Variants in PLK5 observed in about 807,000 individuals in gnomAD.
PLK5 encodes the protein inactive serine/threonine-protein kinase PLK5.
Under a neutral mutation model 33.7 loss-of-function variants are expected in PLK5, and 28 were observed. The ratio of observed to expected loss-of-function variants is 0.83; its 90% CI spans 0.62 to 1.14. The LOEUF (loss-of-function observed/expected upper bound fraction) is 1.14. Ranked by LOEUF, PLK5 falls within the 50% of genes most tolerant of loss-of-function variation. PLK5 has a pLI of 0.00. For synonymous variants in PLK5, 225 were observed against 202.2 expected, an observed-to-expected ratio of 1.11 and a Z score of -0.96; for missense variants, 492 against 461.5, an observed-to-expected ratio of 1.07 and a Z score of -0.61.
Position 1,535,237 on chromosome 19 carries a change from T to C in PLK5, c.998T>C (p.Leu333Pro). The C allele has an allele frequency of 6.5e-7, 1 of 1,535,708 alleles. No individual in the cohort carries two copies. The stretch of plus-strand genomic sequence containing the variant: ...CACCTTCACCACGCCCTCCGCATGC[T>C]GCAGAGTATCTAGTGCCCCTGAGGG... ...GQHLHHALRM[L>P]QSI Residue 333 changes from leucine to proline, a missense_variant, in exon 14 of 14, where the codon CTG (leucine) becomes CCG (proline). Leu to Pro is a moderately conservative substitution (Grantham distance 98). Transcript: ENST00000454744.
intron 12 of PLK5, among the ~76,000 whole-genome samples, chr19:1,532,643 C>T (rs1018857564): frequency 1.3e-5 from 2 of 151,782 alleles, no homozygotes; most frequent in African/African-American, 4.8e-5. Flanking sequence ...CTGCCTCAGC[C>T]TCCTAAGTAG....
intron 9 of PLK5, 53 bp downstream of exon 9, chr19:1,529,027 C>A (rs1913845787): frequency 1.4e-6 from 2 of 1,414,048 alleles, no homozygotes; most frequent in Non-Finnish European, 1.9e-6. Context: ...GGCATGCTGG[C>A]CCCTGCTAAA....
intron 12 of PLK5, 31 bp from the exon 13 acceptor site, chr19:1,533,900 G>A (rs1340779352): frequency 1.5e-5 from 22 of 1,499,290 alleles, no homozygotes; most frequent in African/African-American, 4.2e-5. Context: ...CGCCCCCTGC[G>A]TCACGTGACC....
intron 6 of PLK5, 47 bp downstream of exon 6, chr19:1,527,045 G>A: frequency 8.6e-7 from 1 of 1,156,976 alleles, no homozygotes; most frequent in Non-Finnish European, 1.2e-6. Flanking sequence ...GGGGGGGGCA[G>A]GTGTGGCGGG....
In PLK5 at chr19:1,531,901, G is replaced by A; in HGVS notation, c.714+18G>A. On this transcript the variant is annotated intron_variant, in intron 12 of 13. Transcript: ENST00000454744. ...CCCGGAGGGTAAGTTGTGGCCTCCT[G>A]TGCCCTGGGGGACCAGGCACTCCCC... 3 of 1,443,480 alleles carry A rather than the reference G, an allele frequency of 2.1e-6. No individual in the cohort carries two copies. The highest frequency in any genetic ancestry group is 2.7e-6 in the Non-Finnish European group (3 of 1,104,644). 89.4% of individuals were successfully genotyped at this position (1,443,480 alleles called of 1,614,324 possible). A position where few individuals can be genotyped will look rare whatever the true frequency, so the allele number is the denominator to read the frequency against.
intron 13 of PLK5, 66 bp downstream of exon 13, chr19:1,534,107 G>GT: frequency 8.1e-7 from 1 of 1,241,454 alleles, no homozygotes; most frequent in South Asian, 1.3e-5. Flanking sequence ...TGCCTGGGCT[G>GT]TTACGGAGCA....
Position 1,531,753 on chromosome 19 carries a change from T to G in PLK5, c.584T>G (p.Leu195Arg). 1 of 1,536,522 alleles carries G rather than the reference T, an allele frequency of 6.5e-7. No individual in the cohort carries two copies. Among genetic ancestry groups the G allele is most frequent in the Non-Finnish European group, 8.7e-7 (1 of 1,147,084 alleles). ...DVGPPATQDP[L>R]GEQQPILWAP... ...TTGTGCCCAGCCACACAGGACCCCCTGGGAGAGCAGCAGCCCATCCTCTGG... is the reference window on the plus strand; with the variant it reads ...TTGTGCCCAGCCACACAGGACCCCCGGGGAGAGCAGCAGCCCATCCTCTGG... The change falls in exon 12 of 14, where the codon CTG becomes CGG. Residue 195 changes from leucine to arginine, a missense_variant. Physicochemically the swap from Leu to Arg is moderately radical, Grantham distance 102 (BLOSUM62 -2). Coordinates refer to ENST00000454744, the MANE Select transcript of PLK5 (RefSeq NM_001243079.2).
In PLK5 at chr19:1,528,116, GGAC is replaced by G. The variant is rs1913798684; in HGVS notation, c.187_189del (p.Asp63del). ...GGCCCAGCCTGGACCACCTGCTGCA[GGAC>G]GACTTCTTCACACAGGTGGGCGGCG... On this transcript the variant is annotated inframe_deletion, in exon 7 of 14. Coordinates refer to ENST00000454744, the MANE Select transcript of PLK5 (RefSeq NM_001243079.2). 6.5e-7 allele frequency: 1 copy of G among 1,535,668 alleles called. No homozygotes were observed. The highest frequency in any genetic ancestry group is 1.4e-5 in the African/African-American group (1 of 73,144).
rs193242431 is a variant in PLK5 at position 1,532,322 on chromosome 19, T to C, written c.714+439T>C. On this transcript the variant is annotated intron_variant, in intron 12 of 13. Coordinates refer to ENST00000454744, the MANE Select transcript of PLK5 (RefSeq NM_001243079.2). ...TTGGAGGCTGAGGTGCGGACTCGCT[T>C]GAACCCAGCAGTTTGAGATCAGCCT... is the stretch of plus-strand genomic sequence containing the variant. 1.9e-3 allele frequency among the ~76,000 whole-genome samples: 286 copies of C among 152,182 alleles called. 6 individuals carry two copies. The highest frequency in any genetic ancestry group is 0.016 in the Admixed American group (237 of 15,266).
Position 1,533,905 on chromosome 19 carries a change from G to A in PLK5, c.715-26G>A, listed in dbSNP as rs922103117. ...GGGGTGGGGACGCCCCCTGCGTCAC[G>A]TGACCTCAGCCGAGTCTGTCCACAG... On this transcript the variant is annotated intron_variant, in intron 12 of 13. Transcript: ENST00000454744. 30 of 1,509,600 alleles carry A rather than the reference G, an allele frequency of 2.0e-5. No individual in the cohort carries two copies. In the Admixed American group the frequency reaches 2.9e-4, roughly 15 times the overall value. 93.5% of individuals were successfully genotyped at this position (1,509,600 alleles called of 1,614,324 possible). A position where few individuals can be genotyped will look rare whatever the true frequency, so the allele number is the denominator to read the frequency against.
Position 1,524,762 on chromosome 19 carries a change from G to T in PLK5, c.-544+516G>T, listed in dbSNP as rs1913688774. ...GTGTGTTTGTGTGTTCATATGTGGT[G>T]TGTCTAGGAGTTGTGTGTTCATGTG... On this transcript the variant is annotated intron_variant, in intron 1 of 13. Coordinates refer to ENST00000454744, the MANE Select transcript of PLK5 (RefSeq NM_001243079.2). This position sits in a 1 kb window ranked among gnomAD's most constrained non-coding sequence, Gnocchi z 4.5. Among the ~76,000 whole-genome samples the T allele has an allele frequency of 6.6e-6, 1 of 150,420 alleles. No homozygotes were observed. The highest frequency in any genetic ancestry group is 6.6e-5 in the Admixed American group (1 of 15,190).
intron 12 of PLK5, among the ~76,000 whole-genome samples, chr19:1,533,255 G>C (rs1242313030): frequency 6.6e-6 from 1 of 151,938 alleles, no homozygotes; most frequent in Non-Finnish European, 1.5e-5. Context: ...ACCACGCCTG[G>C]CTAATTTTGA....
In PLK5 at chr19:1,533,952, G is replaced by A. The variant is rs1315563932; in HGVS notation, c.736G>A (p.Val246Met). 4 of 1,534,436 alleles carry A rather than the reference G, an allele frequency of 2.6e-6. No homozygotes were observed. The highest frequency in any genetic ancestry group is 3.9e-5 in the Admixed American group (2 of 50,974). ...ACAGGAGGGGACCCTCCCCACACCT[G>A]TGCCACCTGCTGGACCCGGCCTCTG... ...PRREGTLPTP[V>M]PPAGPGLCLL... is the part of the protein sequence containing the mutation. The change falls in exon 13 of 14, where the codon GTG becomes ATG. Residue 246 changes from valine (V) to methionine (M), a missense_variant. Physicochemically the swap from Val to Met is conservative, Grantham distance 21. Coordinates refer to ENST00000454744, the MANE Select transcript of PLK5 (RefSeq NM_001243079.2).
chr19:1,524,650 T>C lies in PLK5; in HGVS notation c.-544+404T>C, dbSNP rs1036464584. On this transcript the variant is annotated intron_variant, in intron 1 of 13. Transcript: ENST00000454744. This position sits in a 1 kb window ranked among gnomAD's most constrained non-coding sequence, Gnocchi z 4.5. ...GTGTGTGTCTGGGTGTTGTGTTGCT[T>C]GTTCACCTGTTGTTTGTGCGTCATG... 6.7e-6 allele frequency among the ~76,000 whole-genome samples: 1 copy of C among 149,740 alleles called. No homozygotes were observed. Among genetic ancestry groups the C allele is most frequent in the Admixed American group, 6.6e-5 (1 of 15,204 alleles).
chr19:1,533,358 T>C (rs1913988914), intron 12 of PLK5, among the ~76,000 whole-genome samples: 1 of 152,112 alleles, frequency 6.6e-6, no homozygotes, highest in Non-Finnish European at 1.5e-5. Context: ...CCCAAAGTGC[T>C]GGGATTATAG....
In PLK5 at chr19:1,526,806, GA is replaced by G; in HGVS notation, c.-95+16del. ...CGCTGCCACAGGTGAGAGCCGGGGGGAGGGCTCTGAGCAGTCCGTCCGGGTG... is the reference window on the plus strand; with the variant it reads ...CGCTGCCACAGGTGAGAGCCGGGGGGGGGCTCTGAGCAGTCCGTCCGGGTG... On this transcript the variant is annotated intron_variant, in intron 5 of 13. Coordinates refer to ENST00000454744, the MANE Select transcript of PLK5 (RefSeq NM_001243079.2). 1 of 678,782 alleles carries G rather than the reference GA, an allele frequency of 1.5e-6. No homozygotes were observed. Among genetic ancestry groups the G allele is most frequent in the Non-Finnish European group, 2.5e-6 (1 of 396,698 alleles). The allele number at this position is 678,782 out of a possible 1,614,324, so 42.0% of individuals were successfully genotyped here.
Position 1,535,392 on chromosome 19 carries a change from G to A in PLK5, c.*142G>A. 1.1e-6 allele frequency: 1 copy of A among 894,544 alleles called. No individual in the cohort carries two copies. The highest frequency in any genetic ancestry group is 1.6e-6 in the Non-Finnish European group (1 of 619,494). 55.4% of individuals were successfully genotyped at this position (894,544 alleles called of 1,614,324 possible). ...GAGGTGGGTTCTTGCCTTGTGGCAT[G>A]ACTGTTCAACCCAGACTTTGCTGGG... On this transcript the variant is annotated 3_prime_UTR_variant, in exon 14 of 14. Coordinates refer to ENST00000454744, the MANE Select transcript of PLK5 (RefSeq NM_001243079.2).
In PLK5 at chr19:1,535,396, G is replaced by C. The variant is rs1356319310; in HGVS notation, c.*146G>C. On this transcript the variant is annotated 3_prime_UTR_variant, in exon 14 of 14. Transcript: ENST00000454744. ...TGGGTTCTTGCCTTGTGGCATGACT[G>C]TTCAACCCAGACTTTGCTGGGATCT... 3.7e-6 allele frequency: 3 copies of C among 819,756 alleles called. No individual in the cohort carries two copies. Among genetic ancestry groups the C allele is most frequent in the African/African-American group, 3.6e-5 (2 of 55,304 alleles). 50.8% of individuals were successfully genotyped at this position (819,756 alleles called of 1,614,324 possible).
rs1246336872 is a variant in PLK5 at position 1,529,498 on chromosome 19, G to GAT, written c.490+9_490+10dup. The GAT allele has an allele frequency of 5.2e-6, 8 of 1,534,716 alleles. No homozygotes were observed. Among genetic ancestry groups the GAT allele is most frequent in the Non-Finnish European group, 5.2e-6 (6 of 1,145,744 alleles). ...TGCAGAGTGACCTGGCCGGTGAGCA[G>GAT]ATCCCCGTCCCAGCCCGGGGCTGCA... On this transcript the variant is annotated intron_variant, in intron 10 of 13. Coordinates refer to ENST00000454744, the MANE Select transcript of PLK5 (RefSeq NM_001243079.2).
Sources: allele counts gnomAD v4.1 joint callset (sites outside exome capture counted in the v4.1 genomes callset), GRCh38; gene constraint gnomAD v4.1.1; non-coding constraint Gnocchi (gnomAD v3.1); transcripts MANE v1.5; gene names NCBI Gene and HGNC (gene_info 2026-07-23, HGNC 2026-07-21).